FOXP2: variants seen among roughly 807,000 people sequenced by gnomAD.
FOXP2 encodes the protein forkhead box protein P2.
In FOXP2, 12 loss-of-function variants were observed where a neutral mutation model predicts 115.8. The ratio of observed to expected loss-of-function variants is 0.10; its 90% CI spans 0.07 to 0.17. FOXP2 has a LOEUF of 0.17. FOXP2 is among the 10% of genes least tolerant of loss of function. The pLI is 1.00. For missense variants in FOXP2, 629 were observed against 843.5 expected (o/e 0.75, Z 3.15); for synonymous variants, 328 against 297.7 (o/e 1.10, Z -1.05).
chr7:114,372,350 A>T (rs536463336), intron 2 of FOXP2, among the ~76,000 whole-genome samples: 1 of 152,158 alleles, frequency 6.6e-6, no homozygotes, highest in Non-Finnish European at 1.5e-5. Context: ...TAGGGTAACT[A>T]TATAAATTTT....
At chr7:114,173,744 T>C (rs982156413) in intron 1 of FOXP2, among the ~76,000 whole-genome samples, 4 of 152,000 alleles carry the variant, frequency 2.6e-5, no homozygotes, top group Non-Finnish European at 2.9e-5. Flanking sequence ...CAACTTTTCC[T>C]TTGCCATATT....
chr7:114,416,000 G>C (rs12533005), intron 1 of FOXP2, among the ~76,000 whole-genome samples: 55,731 of 151,816 alleles, frequency 0.37, 11,767 homozygotes, highest in East Asian at 0.63. Flanking sequence ...ATTGTGAATT[G>C]ATGAGTAATT....
chr7:114,439,415 A>C (rs779783434), intron 2 of FOXP2, among the ~76,000 whole-genome samples: 26 of 152,154 alleles, frequency 1.7e-4, no homozygotes, highest in Non-Finnish European at 2.9e-4. Context: ...ATAATCTTCA[A>C]ATTCAGACAT....
At chr7:114,363,340 A>G (rs1244957889) in intron 2 of FOXP2, among the ~76,000 whole-genome samples, 1 of 152,144 alleles carries the variant, frequency 6.6e-6, no homozygotes, top group Non-Finnish European at 1.5e-5. Flanking sequence ...TTGTGAATAA[A>G]TAATGCATTG....
At chr7:114,517,159 T>C (rs902516898) in intron 2 of FOXP2, among the ~76,000 whole-genome samples, 20 of 152,202 alleles carry the variant, frequency 1.3e-4, no homozygotes, top group Non-Finnish European at 2.5e-4. Flanking sequence ...CTTTGTAAAA[T>C]GTCTATTCAG....
At chr7:114,583,393 A>T (rs1039370035) in intron 3 of FOXP2, among the ~76,000 whole-genome samples, 1 of 151,938 alleles carries the variant, frequency 6.6e-6, no homozygotes, top group Non-Finnish European at 1.5e-5. Flanking sequence ...AAAGCAAAAA[A>T]CAAGAAACTT....
chr7:114,252,374 C>T (rs2129169671), intron 1 of FOXP2, among the ~76,000 whole-genome samples: 1 of 152,242 alleles, frequency 6.6e-6, no homozygotes, highest in South Asian at 2.1e-4. Flanking sequence ...ATGGTACCAG[C>T]TCCTCCTTGT....
chr7:114,189,115 C>G (rs1217221438), intron 1 of FOXP2, among the ~76,000 whole-genome samples: 1 of 152,116 alleles, frequency 6.6e-6, no homozygotes, highest in Non-Finnish European at 1.5e-5. Flanking sequence ...ATCTGCTACA[C>G]CTTCCCTCTG....
At chr7:114,590,201 G>T (rs1336075346) in intron 3 of FOXP2, among the ~76,000 whole-genome samples, 1 of 152,032 alleles carries the variant, frequency 6.6e-6, no homozygotes. Flanking sequence ...TAATTCACTT[G>T]GTTCTGGTAG....
chr7:114,548,112 C>T (rs967669213), intron 3 of FOXP2, among the ~76,000 whole-genome samples: 3 of 152,134 alleles, frequency 2.0e-5, no homozygotes, highest in African/African-American at 7.2e-5. Flanking sequence ...GTCTTCATGG[C>T]CACAAGATAA....
chr7:114,658,010 T>A (rs902791832), intron 10 of FOXP2, 56 bp from the exon 11 acceptor site: 1 of 1,597,008 alleles, frequency 6.3e-7, no homozygotes, highest in East Asian at 2.2e-5. Context: ...CAAACCTTTT[T>A]AAGTCTTTTT....
At chr7:114,534,760 A>G (rs907720301) in intron 3 of FOXP2, 54 bp downstream of exon 3, 3 of 1,412,706 alleles carry the variant, frequency 2.1e-6, no homozygotes, top group Admixed American at 1.7e-5. Flanking sequence ...GTTCATAATG[A>G]TAACAGATGT....
chr7:114,575,571 G>A (rs183264405), intron 3 of FOXP2, among the ~76,000 whole-genome samples: 115 of 151,890 alleles, frequency 7.6e-4, no homozygotes, highest in African/African-American at 2.6e-3. Flanking sequence ...CTTGTTAAGT[G>A]GAAGACAGCT....
intron 2 of FOXP2, among the ~76,000 whole-genome samples, chr7:114,364,945 T>C (rs1791842897): frequency 6.6e-6 from 1 of 152,168 alleles, no homozygotes; most frequent in African/African-American, 2.4e-5. Flanking sequence ...CCAGCACAAA[T>C]TAAATTAAGC....
At chr7:114,311,087 A>G (rs1283186360) in intron 2 of FOXP2, among the ~76,000 whole-genome samples, 2 of 152,042 alleles carry the variant, frequency 1.3e-5, no homozygotes, top group African/African-American at 2.4e-5. Context: ...GGTGTTTTCT[A>G]TATATTAGGA....
At chr7:114,244,905 G>A (rs1294427705) in intron 1 of FOXP2, among the ~76,000 whole-genome samples, 2 of 151,876 alleles carry the variant, frequency 1.3e-5, no homozygotes, top group Non-Finnish European at 2.9e-5. Flanking sequence ...AGGACTACAG[G>A]CGCCCACCAT....
At chr7:114,253,925 T>C (rs951437267) in intron 1 of FOXP2, among the ~76,000 whole-genome samples, 6 of 152,258 alleles carry the variant, frequency 3.9e-5, no homozygotes, top group African/African-American at 1.4e-4. Flanking sequence ...TTGCAGTGGC[T>C]GGTACCAGTT....
intron 1 of FOXP2, among the ~76,000 whole-genome samples, chr7:114,105,174 T>G (rs982641693): frequency 6.6e-6 from 1 of 152,120 alleles, no homozygotes; most frequent in Non-Finnish European, 1.5e-5. Flanking sequence ...TGGCACATTT[T>G]AGTTTGTACC....
intron 2 of FOXP2, among the ~76,000 whole-genome samples, chr7:114,448,757 C>T (rs1469466996): frequency 6.6e-6 from 1 of 152,080 alleles, no homozygotes; most frequent in Non-Finnish European, 1.5e-5. Flanking sequence ...ACAAACCTTC[C>T]TGCCATTTTC....
Sources: gnomAD v4.1 joint callset for allele counts (sites outside exome capture counted in the v4.1 genomes callset) on GRCh38, gnomAD v4.1.1 for gene constraint, MANE v1.5 for transcripts, NCBI Gene and HGNC (gene_info 2026-07-23, HGNC 2026-07-21) for gene names.